The following RUBCN variants were observed in gnomAD, a reference collection of about 807,000 sequenced individuals.
RUBCN encodes run domain Beclin-1-interacting and cysteine-rich domain-containing protein.
RUBCN carries 74 observed loss-of-function variants against 113.2 expected under a neutral mutation model. The ratio of observed to expected loss-of-function variants is 0.65; its 90% CI spans 0.54 to 0.79. RUBCN has a LOEUF of 0.79. Ranked by LOEUF, RUBCN falls within the 30% of genes least tolerant of loss-of-function variation. The pLI is 0.00. For synonymous variants in RUBCN, 480 were observed against 490.0 expected, an observed-to-expected ratio of 0.98 and a Z score of 0.27; for missense variants, 1,109 against 1,251.7, an observed-to-expected ratio of 0.89 and a Z score of 1.72.
At chr3:197,741,790 T>C (rs1728533993), upstream of RUBCN, among the ~76,000 whole-genome samples, 1 of 149,234 alleles carries the variant, frequency 6.7e-6, no homozygotes, top group African/African-American at 2.5e-5. Flanking sequence ...ACCACTGCAC[T>C]CCAGAGATTG....
At chr3:197,746,195 A>G (rs1728737745) in intron 1 of RUBCN, among the ~76,000 whole-genome samples, 1 of 152,238 alleles carries the variant, frequency 6.6e-6, no homozygotes, top group African/African-American at 2.4e-5. Context: ...CTGCAGCACA[A>G]AGCTTGAGGA....
chr3:197,683,212 C>T lies in RUBCN; in HGVS notation c.1980+95G>A. Reference sequence around the variant, plus strand: ...CTTCCACGAGTAAGGGGGGAACACCCAGGCTCATTCCAGACTAGGGACATG... The same window carrying T: ...CTTCCACGAGTAAGGGGGGAACACCTAGGCTCATTCCAGACTAGGGACATG... On this transcript the variant is annotated intron_variant, in intron 13 of 19. Coordinates refer to ENST00000296343, the MANE Select transcript of RUBCN (RefSeq NM_014687.4). The surrounding 1 kb of genome is among the most constrained non-coding windows in gnomAD (Gnocchi z 4.6). The T allele has an allele frequency of 1.3e-6, 2 of 1,488,544 alleles. No homozygotes were observed. Among genetic ancestry groups the T allele is most frequent in the South Asian group, 2.3e-5 (2 of 88,102 alleles). 92.2% of individuals were successfully genotyped at this position (1,488,544 alleles called of 1,614,324 possible).
chr3:197,691,005 A>G, intron 11 of RUBCN: 1 of 815,166 alleles, frequency 1.2e-6, no homozygotes, highest in Non-Finnish European at 1.8e-6. Context: ...GATTAAGTAT[A>G]TACGAAAGCT....
rs755253377 is a variant in RUBCN, at chr3:197,683,612, C to T, written c.1848-173G>A. Among the ~76,000 whole-genome samples, 21 of 152,186 alleles carry T rather than the reference C, an allele frequency of 1.4e-4. No individual in the cohort carries two copies. The highest frequency in any genetic ancestry group is 2.6e-4 in the Non-Finnish European group (18 of 68,034). ...GGACAGTCAAAGTCCACTAGTCTCACGGTCCTAAGACTTCGGTTCAAGCCC... is the reference window on the plus strand; with the variant it reads ...GGACAGTCAAAGTCCACTAGTCTCATGGTCCTAAGACTTCGGTTCAAGCCC... On this transcript the variant is annotated intron_variant, in intron 12 of 19. Coordinates refer to ENST00000296343, the MANE Select transcript of RUBCN (RefSeq NM_014687.4). This position sits in a 1 kb window ranked among gnomAD's most constrained non-coding sequence, Gnocchi z 4.6.
chr3:197,731,830 G>A (rs9875197), intron 1 of RUBCN, among the ~76,000 whole-genome samples: 16,933 of 151,296 alleles, frequency 0.11, 1,147 homozygotes, highest in African/African-American at 0.18. Flanking sequence ...GGGACAGGGC[G>A]GCTGGCCGGG....
At chr3:197,698,381 T>C (rs1723242651) in intron 7 of RUBCN, among the ~76,000 whole-genome samples, 2 of 152,230 alleles carry the variant, frequency 1.3e-5, no homozygotes, top group South Asian at 2.1e-4. Flanking sequence ...CACATTCCAG[T>C]GTTCATGTCC....
intron 13 of RUBCN, among the ~76,000 whole-genome samples, chr3:197,682,879 C>T (rs1415927965): frequency 6.6e-6 from 1 of 152,172 alleles, no homozygotes; most frequent in Non-Finnish European, 1.5e-5. Flanking sequence ...CAAGTGAGGG[C>T]CGTGGGTTCC....
rs201348647 is a variant in RUBCN, at chr3:197,680,072, TCTAA to T, written c.2430+1053_2430+1056del. On this transcript the variant is annotated intron_variant, in intron 16 of 19. Coordinates refer to ENST00000296343, the MANE Select transcript of RUBCN (RefSeq NM_014687.4). The stretch of plus-strand genomic sequence containing the variant: ...CAACTGGCTTCAGACTGTCCTACGC[TCTAA>T]CTGACAACTGGCTTCAGACTGTCCT... Among the ~76,000 whole-genome samples the T allele has an allele frequency of 6.7e-3, 994 of 148,666 alleles. 15 individuals are homozygous for T. Among genetic ancestry groups the T allele is most frequent in the South Asian group, 0.047 (205 of 4,340 alleles).
chr3:197,684,210 G>C lies in RUBCN; in HGVS notation c.1794C>G (p.Asp598Glu). ...EVDEFEIQDADIRRNTASSSK... is the reference protein window; with the variant it reads ...EVDEFEIQDAEIRRNTASSSK... ...TGCTTGAGGCTGTGTTCCTTCTGAT[G>C]TCAGCATCTACATGGAAACCAGAGA... is the stretch of plus-strand genomic sequence containing the variant. The change falls in exon 12 of 20, where the codon GAC becomes GAG. Residue 598 changes from aspartate to glutamate, a missense_variant. This residue lies in a region of RUBCN where 736 missense variants were observed against 779.6 expected (regional missense o/e 0.94). Transcript: ENST00000296343. 2 of 1,613,420 alleles carry C rather than the reference G, an allele frequency of 1.2e-6. No individual in the cohort carries two copies. The highest frequency in any genetic ancestry group is 1.7e-6 in the Non-Finnish European group (2 of 1,179,364).
chr3:197,739,711 C>G (rs1003624217), upstream of RUBCN, among the ~76,000 whole-genome samples: 3 of 151,634 alleles, frequency 2.0e-5, no homozygotes, highest in Non-Finnish European at 4.4e-5. Flanking sequence ...GAGGGAGACT[C>G]CGTTTCAAAA....
intron 16 of RUBCN, among the ~76,000 whole-genome samples, chr3:197,680,739 C>T (rs1000564253): frequency 3.3e-5 from 5 of 152,142 alleles, no homozygotes; most frequent in Admixed American, 6.5e-5. Flanking sequence ...ACTCGATACC[C>T]GATTCCTCAT....
chr3:197,729,496 G>A (rs9864123), intron 1 of RUBCN, among the ~76,000 whole-genome samples: 17,056 of 151,820 alleles, frequency 0.11, 1,162 homozygotes, highest in African/African-American at 0.18. Flanking sequence ...CTTGTGATCC[G>A]CCTGCCTCGG....
At position 197,700,853 on chromosome 3, in the gene RUBCN, T is replaced by A; in HGVS notation, c.1021A>T (p.Ser341Cys). 1 of 1,614,138 alleles carries A rather than the reference T, an allele frequency of 6.2e-7. No individual in the cohort carries two copies. The highest frequency in any genetic ancestry group is 8.5e-7 in the Non-Finnish European group (1 of 1,180,022). The change falls in exon 7 of 20, where the codon AGT (serine) becomes TGT (cysteine). Residue 341 changes from serine (S) to cysteine (C), a missense_variant. Transcript: ENST00000296343. ...DPRGRTASCQ[S>C]HSSNAESSSS... is the part of the protein sequence containing the mutation. ...CTGCTCTCGGCATTGCTGCTGTGAC[T>A]CTGACAGCTGGCAGTCCGGCCTCGG...
chr3:197,712,045 A>G (rs940371510), intron 2 of RUBCN, among the ~76,000 whole-genome samples: 1 of 152,292 alleles, frequency 6.6e-6, no homozygotes. Flanking sequence ...TTCAGAAAAA[A>G]ACCACAGAGG....
At chr3:197,700,575 G>A in intron 7 of RUBCN, 38 bp downstream of exon 7, 1 of 1,608,806 alleles carries the variant, frequency 6.2e-7, no homozygotes, top group Admixed American at 1.7e-5. Context: ...CTCAATTCAG[G>A]GTCATCTTGC....
chr3:197,704,993 C>G, intron 3 of RUBCN, 99 bp downstream of exon 3: 3 of 912,562 alleles, frequency 3.3e-6, no homozygotes, highest in Non-Finnish European at 5.3e-6. Flanking sequence ...GGCAACTGGA[C>G]ATATTCCCTC....
At chr3:197,746,220 C>A (rs1367910419) in intron 1 of RUBCN, among the ~76,000 whole-genome samples, 1 of 152,172 alleles carries the variant, frequency 6.6e-6, no homozygotes, top group African/African-American at 2.4e-5. Flanking sequence ...CATCGCGAAA[C>A]ATGATTCCAA....
chr3:197,681,318 G>A lies in RUBCN; in HGVS notation c.2241C>T (p.Cys747=). 6.2e-7 allele frequency: 1 copy of A among 1,614,192 alleles called. No individual in the cohort carries two copies. The highest frequency in any genetic ancestry group is 1.7e-5 in the Admixed American group (1 of 60,028). ...RYCEYLGKYF[C]QCCHENAQMA... is the part of the protein sequence containing the mutation. ...TCTGGGCATTCTCGTGGCAGCACTG[G>A]CAGAAGTACTTGCCCAGGTACTCAC... Residue 747 remains cysteine, a synonymous_variant, in exon 16 of 20, where the codon TGC becomes TGT. Transcript: ENST00000296343. This position sits in a 1 kb window ranked among gnomAD's most constrained non-coding sequence, Gnocchi z 5.5.
rs565357741 is a variant in RUBCN, at chr3:197,729,291, C to A, written c.65+7364G>T. ...TTTTTGAGACGGAGTCTCGCTCTGTCGCCCAGCCTGGAGTGCAGCGGCGCG... is the reference window on the plus strand; with the variant it reads ...TTTTTGAGACGGAGTCTCGCTCTGTAGCCCAGCCTGGAGTGCAGCGGCGCG... On this transcript the variant is annotated intron_variant, in intron 1 of 19. Transcript: ENST00000296343. 2.4e-3 allele frequency among the ~76,000 whole-genome samples: 370 copies of A among 152,064 alleles called. 1 individual carries two copies. Among genetic ancestry groups the A allele is most frequent in the African/African-American group, 8.3e-3 (345 of 41,502 alleles).
Sources: allele counts gnomAD v4.1 joint callset (sites outside exome capture counted in the v4.1 genomes callset), GRCh38; gene constraint gnomAD v4.1.1; regional missense constraint gnomAD v4.1.1; non-coding constraint Gnocchi (gnomAD v3.1); transcripts MANE v1.5; gene names NCBI Gene and HGNC (gene_info 2026-07-23, HGNC 2026-07-21).